KCNC2: variants seen among roughly 807,000 people sequenced by gnomAD.
KCNC2 encodes the protein voltage-gated potassium channel KCNC2.
KCNC2 carries 21 observed loss-of-function variants against 44.5 expected under a neutral mutation model. The ratio of observed to expected loss-of-function variants is 0.47; its 90% CI spans 0.33 to 0.68. The LOEUF (loss-of-function observed/expected upper bound fraction) is 0.68, where lower values mean the gene tolerates loss of function less well. KCNC2 is among the 30% of genes least tolerant of loss of function. The pLI is 0.01. For synonymous variants in KCNC2, 391 were observed against 339.1 expected (o/e 1.15, Z -1.68); for missense variants, 589 against 826.2 (o/e 0.71, Z 3.52).
chr12:75,041,422 C>A lies in KCNC2; in HGVS notation c.*1683G>T. The A allele has an allele frequency of 3.1e-6, 4 of 1,279,622 alleles. No homozygotes were observed. Among genetic ancestry groups the A allele is most frequent in the South Asian group, 2.3e-5 (1 of 43,678 alleles). The allele number at this position is 1,279,622 out of a possible 1,614,324, so 79.3% of individuals were successfully genotyped here. A position where few individuals can be genotyped will look rare whatever the true frequency, so the allele number is the denominator to read the frequency against. On this transcript the variant is annotated 3_prime_UTR_variant, in exon 5 of 5. Transcript: ENST00000549446. ...ATATAGAGTAATACATGTTTCGTGG[C>A]CAATAATAAAAGTGACAATTGTCTT...
intron 2 of KCNC2, among the ~76,000 whole-genome samples, chr12:75,080,034 T>A (rs1177105344): frequency 2.4e-4 from 37 of 152,150 alleles, no homozygotes; most frequent in Admixed American, 2.4e-3. Context: ...ATTGTTCTGG[T>A]CTTTCAGTGA....
chr12:75,185,472 A>G (rs1892875543), intron 2 of KCNC2, among the ~76,000 whole-genome samples: 1 of 151,988 alleles, frequency 6.6e-6, no homozygotes, highest in Non-Finnish European at 1.5e-5. Flanking sequence ...CAGTTTCCTT[A>G]TTAAATATTG....
At chr12:75,048,671 G>A (rs2136935098) in intron 3 of KCNC2, among the ~76,000 whole-genome samples, 1 of 152,100 alleles carries the variant, frequency 6.6e-6, no homozygotes, top group Non-Finnish European at 1.5e-5. Flanking sequence ...ACTCTGAATA[G>A]GAATATTTAA....
chr12:75,061,566 T>TACACAC (rs59052402), intron 2 of KCNC2, among the ~76,000 whole-genome samples: 5 of 143,448 alleles, frequency 3.5e-5, no homozygotes, highest in Admixed American at 7.0e-5. Context: ...AAGTGACAAG[T>TACACAC]ACACACACAC....
At chr12:75,140,736 CT>C (rs200078954) in intron 2 of KCNC2, among the ~76,000 whole-genome samples, 4,188 of 151,948 alleles carry the variant, frequency 0.028, 91 homozygotes, top group Non-Finnish European at 0.044. Context: ...TAATCATAGA[CT>C]TCAGTGAATT....
intron 2 of KCNC2, among the ~76,000 whole-genome samples, chr12:75,161,194 G>C (rs1210179710): frequency 6.6e-6 from 1 of 151,634 alleles, no homozygotes; most frequent in Non-Finnish European, 1.5e-5. Flanking sequence ...AAGGTGTCAT[G>C]AAAGCAATAA....
intron 2 of KCNC2, among the ~76,000 whole-genome samples, chr12:75,125,936 T>C (rs1888389061): frequency 6.6e-6 from 1 of 152,216 alleles, no homozygotes; most frequent in Admixed American, 6.5e-5. Context: ...TGTTTGACTA[T>C]TATCCTTTGA....
intron 2 of KCNC2, among the ~76,000 whole-genome samples, chr12:75,199,161 GA>G (rs111391950): frequency 6.6e-6 from 1 of 151,686 alleles, no homozygotes; most frequent in African/African-American, 2.4e-5. Context: ...CTAAATTACA[GA>G]AAAAACTGTC....
At chr12:75,086,619 A>G (rs1238520641) in intron 2 of KCNC2, among the ~76,000 whole-genome samples, 2 of 148,540 alleles carry the variant, frequency 1.3e-5, no homozygotes, top group Non-Finnish European at 3.0e-5. Context: ...TTCACCTTCA[A>G]GCCAGTAGAA....
intron 2 of KCNC2, among the ~76,000 whole-genome samples, chr12:75,144,496 A>G (rs1889874816): frequency 6.6e-6 from 1 of 152,186 alleles, no homozygotes; most frequent in African/African-American, 2.4e-5. Context: ...TTGTAGTTCC[A>G]GCTACCTGGG....
rs1244057471 is a variant in KCNC2 at position 75,074,312 on chromosome 12, C to A, written c.688-22995G>T. 2.2e-5 allele frequency among the ~76,000 whole-genome samples: 3 copies of A among 137,128 alleles called. No individual in the cohort carries two copies. The East Asian group carries it at 6.5e-4, about 30-fold the overall frequency. The allele number at this position is 137,128 out of a possible 152,430, so 90.0% of individuals were successfully genotyped here. On this transcript the variant is annotated intron_variant, in intron 2 of 4. Coordinates refer to ENST00000549446, the MANE Select transcript of KCNC2 (RefSeq NM_139137.4). The stretch of plus-strand genomic sequence containing the variant: ...TGCAAAACTCACCAGTGGCCTATTT[C>A]CCAAGGAGAAAGTCTAGAGGAGTCC...
At chr12:75,121,771 A>T (rs1348053976) in intron 2 of KCNC2, among the ~76,000 whole-genome samples, 1 of 152,198 alleles carries the variant, frequency 6.6e-6, no homozygotes, top group Non-Finnish European at 1.5e-5. Flanking sequence ...TTCACTTGTC[A>T]GCTCAATTGT....
At chr12:75,131,812 A>G (rs1287364011) in intron 2 of KCNC2, among the ~76,000 whole-genome samples, 1 of 152,114 alleles carries the variant, frequency 6.6e-6, no homozygotes, top group Non-Finnish European at 1.5e-5. Context: ...TTCACGGTAG[A>G]ATCTCTCCTA....
At chr12:75,044,207 A>C (rs1321503361) in intron 4 of KCNC2, among the ~76,000 whole-genome samples, 1 of 152,024 alleles carries the variant, frequency 6.6e-6, no homozygotes, top group East Asian at 1.9e-4. Context: ...AAATATCTTA[A>C]AGCAGGGCAA....
chr12:75,079,437 A>T (rs1884283729), intron 2 of KCNC2, among the ~76,000 whole-genome samples: 1 of 152,282 alleles, frequency 6.6e-6, no homozygotes, highest in East Asian at 1.9e-4. Context: ...TAAGAATGTA[A>T]TTTTTAATTG....
chr12:75,067,033 T>G (rs1882901460), intron 2 of KCNC2, among the ~76,000 whole-genome samples: 1 of 151,982 alleles, frequency 6.6e-6, no homozygotes, highest in African/African-American at 2.4e-5. Flanking sequence ...AAAAACCCTG[T>G]TTCTACAAAA....
chr12:75,186,091 A>AAG (rs1278693930), intron 2 of KCNC2, among the ~76,000 whole-genome samples: 2 of 150,798 alleles, frequency 1.3e-5, no homozygotes, highest in African/African-American at 4.9e-5. Flanking sequence ...AAATAAATAA[A>AAG]TAAAAATTTT....
At chr12:75,203,165 C>A (rs545572391) in intron 2 of KCNC2, among the ~76,000 whole-genome samples, 115 of 151,708 alleles carry the variant, frequency 7.6e-4, no homozygotes, top group African/African-American at 2.7e-3. Context: ...CAAATTGTTC[C>A]TATACCTTAT....
At chr12:75,204,951 A>G (rs2031571740) in intron 2 of KCNC2, among the ~76,000 whole-genome samples, 1 of 152,172 alleles carries the variant, frequency 6.6e-6, no homozygotes, top group African/African-American at 2.4e-5. Flanking sequence ...TTAAGAAGTT[A>G]ATTCAAGTCC....
Sources: gnomAD v4.1 joint callset for allele counts (sites outside exome capture counted in the v4.1 genomes callset) on GRCh38, gnomAD v4.1.1 for gene constraint, MANE v1.5 for transcripts, NCBI Gene and HGNC (gene_info 2026-07-23, HGNC 2026-07-21) for gene names.